The following SEMA6D variants were observed in gnomAD, a reference collection of about 807,000 sequenced individuals.
SEMA6D encodes semaphorin-6D.
In SEMA6D, 35 loss-of-function variants were observed where a neutral mutation model predicts 106.6. That is an observed-to-expected ratio of 0.33 (90% CI 0.25 to 0.44). SEMA6D has a LOEUF of 0.44. Ranked by LOEUF, SEMA6D falls within the 20% of genes least tolerant of loss-of-function variation. The pLI is 1.00. For synonymous variants in SEMA6D, 499 were observed against 487.7 expected, an observed-to-expected ratio of 1.02 and a Z score of -0.31; for missense variants, 1,185 against 1,345.9, an observed-to-expected ratio of 0.88 and a Z score of 1.87.
At chr15:47,756,896 ATTTTTTTT>A in intron 1 of SEMA6D, among the ~76,000 whole-genome samples, 1 of 133,682 alleles carries the variant, frequency 7.5e-6, no homozygotes, top group East Asian at 2.3e-4. Context: ...TCTGAATGTA[ATTTTTTTT>A]TTTTTTTTTT....
At chr15:47,491,074 A>G (rs943966958) in intron 3 of SEMA6D, among the ~76,000 whole-genome samples, 8 of 152,324 alleles carry the variant, frequency 5.3e-5, no homozygotes, top group Middle Eastern at 3.4e-3. Flanking sequence ...CACATACCCT[A>G]TGATCTAAAA....
intron 1 of SEMA6D, among the ~76,000 whole-genome samples, chr15:47,754,223 C>A (rs1406600678): frequency 6.6e-6 from 1 of 152,124 alleles, no homozygotes; most frequent in African/African-American, 2.4e-5. Flanking sequence ...GAGACCTCAC[C>A]TCTACTAAAA....
intron 1 of SEMA6D, among the ~76,000 whole-genome samples, chr15:47,202,068 A>C (rs1280990317): frequency 6.6e-6 from 1 of 152,012 alleles, no homozygotes; most frequent in African/African-American, 2.4e-5. Context: ...ATGGGGAGCC[A>C]CAAGCCTGTG....
At chr15:47,254,283 GTGTGTATATATAGA>G (rs2033673146) in intron 1 of SEMA6D, among the ~76,000 whole-genome samples, 1 of 146,112 alleles carries the variant, frequency 6.8e-6, no homozygotes, top group African/African-American at 2.5e-5. Flanking sequence ...ACATATATGA[GTGTGTATATATAGA>G]TGTGTATATA....
chr15:47,243,488 A>C (rs2033035099), intron 1 of SEMA6D, among the ~76,000 whole-genome samples: 1 of 152,064 alleles, frequency 6.6e-6, no homozygotes, highest in Non-Finnish European at 1.5e-5. Flanking sequence ...TATTGATTTT[A>C]ACTTGAATAG....
chr15:47,314,537 G>A (rs1302086235), intron 1 of SEMA6D, among the ~76,000 whole-genome samples: 1 of 126,948 alleles, frequency 7.9e-6, no homozygotes, highest in Non-Finnish European at 1.7e-5. Flanking sequence ...GGCGGAGCTT[G>A]CAGTGAGCCG....
In SEMA6D at chr15:47,473,071, G is replaced by A. The variant is rs377340982; in HGVS notation, c.-87+2526G>A. On this transcript the variant is annotated intron_variant, in intron 3 of 19. Transcript: ENST00000558014. ...TGGAAAAGAGACATTCAGACTCTAC[G>A]TCTTCTCTAGGGTCAGTCTGAGGAA... Among the ~76,000 whole-genome samples, 14 of 152,286 alleles carry A rather than the reference G, an allele frequency of 9.2e-5. 1 individual carries two copies. Among genetic ancestry groups the A allele is most frequent in the East Asian group, 5.8e-4 (3 of 5,174 alleles).
intron 2 of SEMA6D, among the ~76,000 whole-genome samples, chr15:47,431,969 G>C (rs2041543805): frequency 6.6e-6 from 1 of 152,008 alleles, no homozygotes; most frequent in South Asian, 2.1e-4. Flanking sequence ...ATGTATCAAT[G>C]GTTTCTTTTT....
chr15:47,275,630 T>G (rs187543261), intron 1 of SEMA6D, among the ~76,000 whole-genome samples: 104 of 152,246 alleles, frequency 6.8e-4, no homozygotes, highest in Middle Eastern at 3.4e-3. Context: ...AATTTGTGTG[T>G]GGTCTGACTG....
chr15:47,584,309 G>A (rs1049316040), intron 3 of SEMA6D, among the ~76,000 whole-genome samples: 1 of 152,112 alleles, frequency 6.6e-6, no homozygotes, highest in Non-Finnish European at 1.5e-5. Context: ...TATAATCCCA[G>A]CTACTTGGGA....
At chr15:47,254,329 G>GTA (rs201817469) in intron 1 of SEMA6D, among the ~76,000 whole-genome samples, 42,795 of 131,738 alleles carry the variant, frequency 0.32, 7,710 homozygotes, top group Non-Finnish European at 0.44. Flanking sequence ...ATGTGTGTGT[G>GTA]TGTATATATA....
intron 1 of SEMA6D, among the ~76,000 whole-genome samples, chr15:47,313,906 G>C (rs2036538994): frequency 6.6e-6 from 1 of 152,194 alleles, no homozygotes. Context: ...AAACATCCTT[G>C]TTCAGGTTTA....
At chr15:47,693,223 G>A (rs2078626968) in intron 4 of SEMA6D, among the ~76,000 whole-genome samples, 1 of 152,058 alleles carries the variant, frequency 6.6e-6, no homozygotes, top group African/African-American at 2.4e-5. Context: ...AATGTGAAGA[G>A]ACATAGGGAG....
At chr15:47,708,305 A>G (rs959333872) in intron 4 of SEMA6D, among the ~76,000 whole-genome samples, 3 of 152,176 alleles carry the variant, frequency 2.0e-5, no homozygotes, top group African/African-American at 7.2e-5. Context: ...CTCCAAGAAC[A>G]CTAATCGTGG....
Position 47,250,329 on chromosome 15 carries a change from A to C in SEMA6D, c.-239+65911A>C, listed in dbSNP as rs527278215. On this transcript the variant is annotated intron_variant, in intron 1 of 19. Transcript: ENST00000558014. ...GGATGTCTAAACTTAGAGCATTAAA[A>C]GAGAGAGAGAGAGAGAAAGAGAGGG... Among the ~76,000 whole-genome samples, 21 of 150,856 alleles carry C rather than the reference A, an allele frequency of 1.4e-4. No individual in the cohort carries two copies. The South Asian group carries it at 4.4e-3, about 32-fold the overall frequency.
chr15:47,271,200 A>C (rs543850231), intron 1 of SEMA6D, among the ~76,000 whole-genome samples: 4 of 152,332 alleles, frequency 2.6e-5, no homozygotes, highest in Admixed American at 2.6e-4. Flanking sequence ...TGGAAGATTA[A>C]GCAGATGATT....
intron 1 of SEMA6D, among the ~76,000 whole-genome samples, chr15:47,244,630 C>G (rs898612714): frequency 1.3e-5 from 2 of 152,144 alleles, no homozygotes; most frequent in African/African-American, 4.8e-5. Flanking sequence ...AGGGACCTGA[C>G]TCTGTCATCC....
rs188712193 is a variant in SEMA6D, at chr15:47,403,624, C to G, written c.-238-8769C>G. 2.0e-5 allele frequency among the ~76,000 whole-genome samples: 3 copies of G among 152,276 alleles called. No individual in the cohort carries two copies. The East Asian group carries it at 5.8e-4, about 29-fold the overall frequency. On this transcript the variant is annotated intron_variant, in intron 1 of 19. Transcript: ENST00000558014. ...TAGGTACATTGGTGGCACAGAGGAG[C>G]AGACAGTTAACTGCACTCGAGTTTG...
chr15:47,301,025 A>G (rs1011103067), intron 1 of SEMA6D, among the ~76,000 whole-genome samples: 3 of 152,246 alleles, frequency 2.0e-5, no homozygotes, highest in African/African-American at 7.2e-5. Context: ...ATCTTGAGAT[A>G]CAAGGACAGG....
Sources: gnomAD v4.1 joint callset for allele counts (sites outside exome capture counted in the v4.1 genomes callset) on GRCh38, gnomAD v4.1.1 for gene constraint, MANE v1.5 for transcripts, NCBI Gene and HGNC (gene_info 2026-07-23, HGNC 2026-07-21) for gene names.